Variants in PRRC2B observed in about 807,000 individuals in gnomAD.
PRRC2B encodes protein PRRC2B.
In PRRC2B, 68 loss-of-function variants were observed where a neutral mutation model predicts 242.3. The observed-to-expected ratio is 0.28, with a 90% CI of 0.23 to 0.34. PRRC2B has a LOEUF of 0.34. Ranked by LOEUF, PRRC2B falls within the 10% of genes least tolerant of loss-of-function variation. The probability of loss-of-function intolerance (pLI) is 1.00; values close to 1 mark genes in which losing one functional copy is unlikely to be tolerated. For synonymous variants in PRRC2B, 1,228 were observed against 1,173.6 expected (o/e 1.05, Z -0.95); for missense variants, 2,835 against 2,954.8 (o/e 0.96, Z 0.94).
In PRRC2B at chr9:131,387,348, C is replaced by T. The variant is rs1836839217; in HGVS notation, c.-56+13617C>T. Among the ~76,000 whole-genome samples the T allele has an allele frequency of 1.3e-5, 2 of 150,244 alleles. 1 individual carries two copies. The highest frequency in any genetic ancestry group is 1.4e-4 in the Admixed American group (2 of 14,440). On this transcript the variant is annotated intron_variant, in intron 1 of 1. Transcript: ENST00000682525. The stretch of plus-strand genomic sequence containing the variant: ...TTTCTGCCTGTTTTATGTTCCGTGG[C>T]AGCTGATTGGATTGTGCCCACCAGA...
upstream of PRRC2B, among the ~76,000 whole-genome samples, chr9:131,391,650 G>A (rs1836900906): frequency 6.6e-6 from 1 of 152,158 alleles, no homozygotes; most frequent in South Asian, 2.1e-4. Flanking sequence ...TATGTCGTGA[G>A]GATTACCTGA....
chr9:131,395,831 TA>T (rs1168659171), intron 1 of PRRC2B, among the ~76,000 whole-genome samples: 11 of 152,144 alleles, frequency 7.2e-5, no homozygotes, highest in South Asian at 2.1e-4. Context: ...CTCTAGAACT[TA>T]GTAGACCCGG....
intron 6 of PRRC2B, among the ~76,000 whole-genome samples, chr9:131,445,348 C>T (rs1242855897): frequency 3.9e-5 from 6 of 152,076 alleles, no homozygotes; most frequent in Non-Finnish European, 7.4e-5. Context: ...TTAGTAGAGG[C>T]GGGTTTCTCC....
At chr9:131,376,023 T>C (rs975456771) in intron 1 of PRRC2B, among the ~76,000 whole-genome samples, 1 of 123,184 alleles carries the variant, frequency 8.1e-6, no homozygotes, top group Non-Finnish European at 1.6e-5. Context: ...CACTCTAGCC[T>C]GAGCAACAGA....
chr9:131,451,415 A>G (rs1033774387), intron 9 of PRRC2B, among the ~76,000 whole-genome samples: 2 of 151,910 alleles, frequency 1.3e-5, no homozygotes, highest in Non-Finnish European at 2.9e-5. Context: ...AAAAGAAAAT[A>G]CAGTTGATTT....
At chr9:131,420,482 T>TTTCGTTCGTTCG (rs1346475273) in intron 1 of PRRC2B, among the ~76,000 whole-genome samples, 1 of 15,238 alleles carries the variant, frequency 6.6e-5, no homozygotes, top group Admixed American at 5.8e-4. Context: ...TCTTTCTTTC[T>TTTCGTTCGTTCG]TTCTTTCTTT....
intron 5 of PRRC2B, among the ~76,000 whole-genome samples, chr9:131,439,337 T>C (rs1232777980): frequency 6.6e-6 from 1 of 152,204 alleles, no homozygotes; most frequent in Non-Finnish European, 1.5e-5. Flanking sequence ...TGAATGTTTC[T>C]AGCATACTGT....
At chr9:131,395,007 A>G (rs1228249747) in intron 1 of PRRC2B, among the ~76,000 whole-genome samples, 5 of 149,710 alleles carry the variant, frequency 3.3e-5, no homozygotes, top group African/African-American at 1.2e-4. Context: ...CCCCCAGGAG[A>G]GAAATTCAGC....
Position 131,430,278 on chromosome 9 carries a change from G to A in PRRC2B, c.115+19G>A. On this transcript the variant is annotated intron_variant, in intron 2 of 31. Transcript: ENST00000683519. ...TCCTCAGGTAAGGCCCAGGGTTGAAGGCCAGTTCCTCAAACTTTCTCCGAG... is the reference window on the plus strand; with the variant it reads ...TCCTCAGGTAAGGCCCAGGGTTGAAAGCCAGTTCCTCAAACTTTCTCCGAG... 2.7e-6 allele frequency: 4 copies of A among 1,459,386 alleles called. No individual in the cohort carries two copies. The highest frequency in any genetic ancestry group is 3.8e-6 in the Non-Finnish European group (4 of 1,057,390). 90.4% of individuals were successfully genotyped at this position (1,459,386 alleles called of 1,614,324 possible). A position where few individuals can be genotyped will look rare whatever the true frequency, so the allele number is the denominator to read the frequency against.
At chr9:131,427,021 C>T (rs2131318048) in intron 1 of PRRC2B, among the ~76,000 whole-genome samples, 1 of 152,324 alleles carries the variant, frequency 6.6e-6, no homozygotes, top group African/African-American at 2.4e-5. Flanking sequence ...TGAAGAAGGG[C>T]ACAGTGTCGG....
chr9:131,473,844 G>A lies in PRRC2B; in HGVS notation c.2324+120G>A, dbSNP rs189529653. On this transcript the variant is annotated intron_variant, in intron 15 of 31. Coordinates refer to ENST00000683519, the MANE Select transcript of PRRC2B (RefSeq NM_013318.4). ...ACTGCCCACGGGAGACGTGCTCCTT[G>A]AAGGGACTCCTGGTTCCTCTGGGGA... is the stretch of plus-strand genomic sequence containing the variant. The A allele has an allele frequency of 1.9e-4, 130 of 699,072 alleles. No homozygotes were observed. In the African/African-American group the frequency reaches 2.1e-3, roughly 11 times the overall value. The allele number at this position is 699,072 out of a possible 1,614,324, so 43.3% of individuals were successfully genotyped here. A position where few individuals can be genotyped will look rare whatever the true frequency, so the allele number is the denominator to read the frequency against.
In PRRC2B at chr9:131,465,020, C is replaced by G. The variant is rs773826105; in HGVS notation, c.1662C>G (p.Pro554=). 7 of 1,613,970 alleles carry G rather than the reference C, an allele frequency of 4.3e-6. No homozygotes were observed. Among genetic ancestry groups the G allele is most frequent in the South Asian group, 1.1e-5 (1 of 91,080 alleles). ...EARKQAEKEV[P]WSPSAEKASP... is the part of the protein sequence containing the mutation. ...GGAAGCAGGCAGAGAAGGAAGTGCC[C>G]TGGTCTCCAAGTGCTGAGAAGGCAT... The change falls in exon 12 of 32, where the codon CCC becomes CCG. Residue 554 remains proline, a synonymous_variant. Transcript: ENST00000683519.
At position 131,475,369 on chromosome 9, in the gene PRRC2B, T is replaced by C; in HGVS notation, c.3240T>C (p.Pro1080=). The part of the protein sequence containing the change: ...GFREFTFRGR[P]AGGNGSGLCG... ...GAGAGTTCACTTTTCGTGGTCGGCC[T>C]GCTGGCGGAAATGGGAGCGGCCTCT... Residue 1080 remains proline (P), a synonymous_variant, in exon 16 of 32, where the codon CCT becomes CCC. Transcript: ENST00000683519. 1 of 1,586,528 alleles carries C rather than the reference T, an allele frequency of 6.3e-7. No individual in the cohort carries two copies. Among genetic ancestry groups the C allele is most frequent in the South Asian group, 1.1e-5 (1 of 87,464 alleles).
chr9:131,383,353 T>C (rs1836785644), intron 1 of PRRC2B, among the ~76,000 whole-genome samples: 1 of 152,104 alleles, frequency 6.6e-6, no homozygotes, highest in South Asian at 2.1e-4. Context: ...CTGGAACAGC[T>C]CATGACTGCA....
intron 1 of PRRC2B, among the ~76,000 whole-genome samples, chr9:131,403,152 A>C (rs1319900134): frequency 6.6e-6 from 1 of 152,176 alleles, no homozygotes; most frequent in Non-Finnish European, 1.5e-5. Flanking sequence ...GGCAGAAAGC[A>C]CAGGCCTGTC....
Position 131,473,794 on chromosome 9 carries a change from G to A in PRRC2B, c.2324+70G>A, listed in dbSNP as rs1015236616. The A allele has an allele frequency of 4.9e-6, 6 of 1,228,344 alleles. No individual in the cohort carries two copies. In the Admixed American group the frequency reaches 1.0e-4, roughly 21 times the overall value. 76.1% of individuals were successfully genotyped at this position (1,228,344 alleles called of 1,614,324 possible). A position where few individuals can be genotyped will look rare whatever the true frequency, so the allele number is the denominator to read the frequency against. On this transcript the variant is annotated intron_variant, in intron 15 of 31. Coordinates refer to ENST00000683519, the MANE Select transcript of PRRC2B (RefSeq NM_013318.4). ...TCCAGGTCCTAATTGAGAGGGCCCT[G>A]GGATGAGCTACCATCCTAGGAGACA... is the stretch of plus-strand genomic sequence containing the variant.
chr9:131,447,888 C>G, intron 9 of PRRC2B, 84 bp downstream of exon 9: 3 of 1,432,628 alleles, frequency 2.1e-6, no homozygotes, highest in Non-Finnish European at 2.8e-6. Flanking sequence ...CCTGGCACCA[C>G]CGTGTGTTTT....
At chr9:131,377,201 G>A (rs1006075140) in intron 1 of PRRC2B, among the ~76,000 whole-genome samples, 25 of 151,754 alleles carry the variant, frequency 1.6e-4, no homozygotes, top group African/African-American at 5.6e-4. Context: ...TGCAACCTCC[G>A]CCTCCCAGGT....
intron 19 of PRRC2B, among the ~76,000 whole-genome samples, chr9:131,481,415 G>A (rs1304354442): frequency 3.3e-5 from 5 of 152,036 alleles, no homozygotes; most frequent in South Asian, 2.1e-4. Context: ...TGAGCATAGC[G>A]GAAATAACGA....
Sources: allele counts gnomAD v4.1 joint callset (sites outside exome capture counted in the v4.1 genomes callset), GRCh38; gene constraint gnomAD v4.1.1; transcripts MANE v1.5; gene names NCBI Gene and HGNC (gene_info 2026-07-23, HGNC 2026-07-21).